The following RPTOR variants were observed in gnomAD, a reference collection of about 807,000 sequenced individuals.
RPTOR encodes the protein regulatory-associated protein of mTOR.
In RPTOR, 21 loss-of-function variants were observed where a neutral mutation model predicts 169.9. That is an observed-to-expected ratio of 0.12 (90% confidence interval 0.09 to 0.18). RPTOR has a LOEUF of 0.18. Ranked by LOEUF, RPTOR falls within the 10% of genes least tolerant of loss-of-function variation. RPTOR has a pLI of 1.00. For missense variants in RPTOR, 1,133 were observed against 1,855.9 expected (o/e 0.61, Z 7.16); for synonymous variants, 732 against 753.2 (o/e 0.97, Z 0.46).
intron 6 of RPTOR, among the ~76,000 whole-genome samples, chr17:80,759,692 A>G (rs9895584): frequency 0.28 from 41,723 of 151,640 alleles, 5,919 homozygotes; most frequent in African/African-American, 0.33. Context: ...TTTTTTTTTA[A>G]TGGAAGAGTG....
chr17:80,844,169 CAT>C lies in RPTOR; in HGVS notation c.1213-2300_1213-2299del, dbSNP rs2067701000. On this transcript the variant is annotated intron_variant, in intron 10 of 33. Transcript: ENST00000306801. This position sits in a 1 kb window ranked among gnomAD's most constrained non-coding sequence, Gnocchi z 4.7. ...GCTCTCGAGATGTTTTCCGGAATAT[CAT>C]ATAAAGTGTTGGCCACTCTTCCGCA... Among the ~76,000 whole-genome samples the C allele has an allele frequency of 6.6e-6, 1 of 152,200 alleles. No homozygotes were observed. Among genetic ancestry groups the C allele is most frequent in the Admixed American group, 6.5e-5 (1 of 15,278 alleles).
intron 1 of RPTOR, among the ~76,000 whole-genome samples, chr17:80,567,509 T>G (rs1010106337): frequency 2.0e-5 from 3 of 151,626 alleles, no homozygotes; most frequent in African/African-American, 7.3e-5. Context: ...AAAAAAGGTC[T>G]GGCCGGGCGC....
At chr17:80,569,056 C>T (rs1010028131) in intron 1 of RPTOR, among the ~76,000 whole-genome samples, 9 of 152,192 alleles carry the variant, frequency 5.9e-5, no homozygotes, top group South Asian at 2.1e-4. Context: ...TTTCTTTCTT[C>T]GTATTCATGC....
intron 6 of RPTOR, among the ~76,000 whole-genome samples, chr17:80,761,524 C>T (rs754656314): frequency 1.3e-5 from 2 of 152,242 alleles, no homozygotes; most frequent in South Asian, 2.1e-4. Flanking sequence ...GGAGGCTCAG[C>T]GTGGCTCTGT....
intron 13 of RPTOR, among the ~76,000 whole-genome samples, chr17:80,863,781 A>G (rs1052808815): frequency 6.6e-6 from 1 of 152,162 alleles, no homozygotes; most frequent in African/African-American, 2.4e-5. Flanking sequence ...TCAGCCATGC[A>G]TGTTGGCGCG....
intron 11 of RPTOR, among the ~76,000 whole-genome samples, chr17:80,847,254 C>A (rs2067742224): frequency 6.6e-6 from 1 of 152,238 alleles, no homozygotes; most frequent in Non-Finnish European, 1.5e-5. Flanking sequence ...CACGTGCAGA[C>A]CATGACCTGT....
chr17:80,807,139 A>G (rs1207859704), intron 7 of RPTOR, among the ~76,000 whole-genome samples: 3 of 152,206 alleles, frequency 2.0e-5, no homozygotes, highest in Non-Finnish European at 4.4e-5. Context: ...TTTTATCCAT[A>G]TGTATATAAG....
At chr17:80,780,936 T>C (rs1008719978) in intron 6 of RPTOR, among the ~76,000 whole-genome samples, 3 of 152,128 alleles carry the variant, frequency 2.0e-5, no homozygotes, top group African/African-American at 7.3e-5. Context: ...TTGTGTGTGA[T>C]TTTTTATGTG....
intron 3 of RPTOR, among the ~76,000 whole-genome samples, chr17:80,685,628 T>TATATATATATATATATA (rs1491347361): frequency 1.4e-3 from 32 of 22,666 alleles, no homozygotes; most frequent in Admixed American, 2.7e-3. Context: ...TATATATATA[T>TATATATATATATATATA]TTTTTTTTTT....
chr17:80,940,567 T>C lies in RPTOR; in HGVS notation c.2991T>C (p.Arg997=), dbSNP rs759357795. ...AGTGGCGGTTCCTGCGAAACAGCCG[T>C]GTCAGGAGGCAGGCCCAGCAAGTCA... ...EREWRFLRNS[R]VRRQAQQVIQ... Residue 997 remains arginine, a synonymous_variant, in exon 25 of 34, where the codon CGT becomes CGC. Coordinates refer to ENST00000306801, the MANE Select transcript of RPTOR (RefSeq NM_020761.3). 1.2e-6 allele frequency: 2 copies of C among 1,612,686 alleles called. No homozygotes were observed. Among genetic ancestry groups the C allele is most frequent in the African/African-American group, 2.7e-5 (2 of 74,928 alleles).
chr17:80,710,032 A>G (rs530090149), intron 4 of RPTOR, among the ~76,000 whole-genome samples: 3 of 151,338 alleles, frequency 2.0e-5, no homozygotes, highest in African/African-American at 7.3e-5. Context: ...GCTGGAGTAC[A>G]GTGGCATGAT....
intron 24 of RPTOR, among the ~76,000 whole-genome samples, chr17:80,929,777 G>T (rs997131938): frequency 6.6e-6 from 1 of 152,194 alleles, no homozygotes; most frequent in Non-Finnish European, 1.5e-5. Context: ...CAGCACTGGG[G>T]TTGCCCTGCC....
chr17:80,944,816 C>G (rs930164329), intron 25 of RPTOR, among the ~76,000 whole-genome samples: 4 of 152,082 alleles, frequency 2.6e-5, no homozygotes, highest in Non-Finnish European at 5.9e-5. Context: ...CATGGTGAAA[C>G]CCCGTCTCTA....
chr17:80,840,050 A>G (rs906643218), intron 10 of RPTOR, among the ~76,000 whole-genome samples: 2 of 152,198 alleles, frequency 1.3e-5, no homozygotes, highest in African/African-American at 4.8e-5. Flanking sequence ...ACATATAGAA[A>G]AGTGTACACA....
chr17:80,590,269 A>G (rs1365472052), intron 1 of RPTOR, among the ~76,000 whole-genome samples: 3 of 149,312 alleles, frequency 2.0e-5, no homozygotes, highest in Admixed American at 2.0e-4. Context: ...AGGTATGCAC[A>G]CATGCGTGCA....
rs988388337 is a variant in RPTOR, at chr17:80,721,689, C to T, written c.508-8871C>T. On this transcript the variant is annotated intron_variant, in intron 4 of 33. Coordinates refer to ENST00000306801, the MANE Select transcript of RPTOR (RefSeq NM_020761.3). The surrounding 1 kb of genome is among the most constrained non-coding windows in gnomAD (Gnocchi z 4.7). ...TTTTGGTAGTCATACACATGAAATG[C>T]ACTTTGGGGGAGAAGGATGAAATAT... Among the ~76,000 whole-genome samples the T allele has an allele frequency of 6.6e-6, 1 of 151,260 alleles. No individual in the cohort carries two copies. Among genetic ancestry groups the T allele is most frequent in the Non-Finnish European group, 1.5e-5 (1 of 68,032 alleles).
intron 7 of RPTOR, among the ~76,000 whole-genome samples, chr17:80,807,637 C>G (rs12938511): frequency 1.3e-5 from 2 of 152,178 alleles, no homozygotes; most frequent in Non-Finnish European, 2.9e-5. Context: ...CAGGCATGAG[C>G]CACTGTGCCC....
intron 3 of RPTOR, among the ~76,000 whole-genome samples, chr17:80,690,865 G>A (rs2065985501): frequency 6.6e-6 from 1 of 152,102 alleles, no homozygotes; most frequent in Non-Finnish European, 1.5e-5. Context: ...CGCAAACATG[G>A]CTCACTGGAG....
chr17:80,922,920 T>A, intron 22 of RPTOR, 93 bp downstream of exon 22: 1 of 1,023,784 alleles, frequency 9.8e-7, no homozygotes, highest in Non-Finnish European at 1.4e-6. Flanking sequence ...ATCCTCCTCC[T>A]TCCCCGCCCT....
Sources: gnomAD v4.1 joint callset for allele counts (sites outside exome capture counted in the v4.1 genomes callset) on GRCh38, gnomAD v4.1.1 for gene constraint, Gnocchi (gnomAD v3.1) non-coding constraint, MANE v1.5 for transcripts, NCBI Gene and HGNC (gene_info 2026-07-23, HGNC 2026-07-21) for gene names.